NOTCH1: variants seen among roughly 807,000 people sequenced by gnomAD.
The protein encoded by NOTCH1 is neurogenic locus notch homolog protein 1.
In NOTCH1, 37 loss-of-function variants were observed where a neutral mutation model predicts 254.8. The observed-to-expected ratio is 0.15, with a 90% CI of 0.11 to 0.19. The LOEUF is 0.19. Ranked by LOEUF, NOTCH1 falls within the 10% of genes least tolerant of loss-of-function variation. The pLI, the probability that NOTCH1 is intolerant of heterozygous loss-of-function variation, is 1.00. For missense variants in NOTCH1, 2,972 were observed against 3,708.6 expected (o/e 0.80, Z 5.16); for synonymous variants, 1,731 against 1,618.1 (o/e 1.07, Z -1.68).
At position 136,518,201 on chromosome 9, in the gene NOTCH1, G is replaced by A; in HGVS notation, c.1191C>T (p.Ile397=). ...CCGTGTACCCCGAGGGGCAGGTGCA[G>A]ATGGCCTTGCCATTGACAGGGTTGG... The part of the protein sequence containing the change: ...CDTNPVNGKA[I]CTCPSGYTGP... The change falls in exon 7 of 34, where the codon ATC becomes ATT. Residue 397 remains isoleucine (I), a synonymous_variant. Coordinates refer to ENST00000651671, the MANE Select transcript of NOTCH1 (RefSeq NM_017617.5). The A allele has an allele frequency of 1.2e-6, 2 of 1,606,876 alleles. No homozygotes were observed. The highest frequency in any genetic ancestry group is 2.2e-5 in the South Asian group (2 of 89,886).
At chr9:136,528,106 G>A (rs1036471647) in intron 2 of NOTCH1, among the ~76,000 whole-genome samples, 13 of 151,680 alleles carry the variant, frequency 8.6e-5, no homozygotes, top group Non-Finnish European at 1.8e-4. Flanking sequence ...AGTTCCCTCC[G>A]CCCCAAAATG....
intron 33 of NOTCH1, among the ~76,000 whole-genome samples, chr9:136,498,084 G>A (rs1460068913): frequency 6.6e-6 from 1 of 152,180 alleles, no homozygotes; most frequent in Non-Finnish European, 1.5e-5. Flanking sequence ...CCCAGGCCTT[G>A]ATGCCCTCTG....
At chr9:136,512,975 CACATAGG>C (rs1235934262) in intron 15 of NOTCH1, 39 bp downstream of exon 15, 99 of 719,302 alleles carry the variant, frequency 1.4e-4, no homozygotes, top group Admixed American at 7.1e-4. Flanking sequence ...CCGCCCCTCC[CACATAGG>C]CCCCGCCCCC....
At chr9:136,507,021 C>A (rs2133344550) in intron 22 of NOTCH1, 48 bp from the exon 23 acceptor site, 1 of 1,583,808 alleles carries the variant, frequency 6.3e-7, no homozygotes, top group Non-Finnish European at 8.6e-7. Flanking sequence ...ACACCCCGGC[C>A]CTGCCGTGCC....
In NOTCH1 at chr9:136,537,700, G is replaced by A. The variant is rs139004727; in HGVS notation, c.140+6324C>T. On this transcript the variant is annotated intron_variant, in intron 2 of 33. Coordinates refer to ENST00000651671, the MANE Select transcript of NOTCH1 (RefSeq NM_017617.5). ...GGTCCCAGCTACTCTGGAGGCGGAG[G>A]CAGGAGGATCGCTTGAGCCCAGGAG... 2.4e-3 allele frequency among the ~76,000 whole-genome samples: 367 copies of A among 152,328 alleles called. 1 individual carries two copies. The highest frequency in any genetic ancestry group is 8.3e-3 in the African/African-American group (343 of 41,570).
intron 15 of NOTCH1, among the ~76,000 whole-genome samples, chr9:136,512,104 G>A (rs1386879176): frequency 1.3e-5 from 2 of 152,226 alleles, no homozygotes; most frequent in South Asian, 2.1e-4. Context: ...AGCAGGAAGC[G>A]GGCAGATAGG....
chr9:136,529,896 G>A (rs1843530975), intron 2 of NOTCH1, among the ~76,000 whole-genome samples: 1 of 152,266 alleles, frequency 6.6e-6, no homozygotes, highest in South Asian at 2.1e-4. Context: ...GCTGCGATGT[G>A]GGATGGCTGC....
chr9:136,497,597 C>T, intron 33 of NOTCH1, 39 bp from the exon 34 acceptor site: 1 of 1,512,934 alleles, frequency 6.6e-7, no homozygotes, highest in South Asian at 1.2e-5. Flanking sequence ...GGGGGCCAGG[C>T]CAGGCGTGGG....
At position 136,505,654 on chromosome 9, in the gene NOTCH1, G is replaced by A. The variant is rs1843070587; in HGVS notation, c.4242C>T (p.Cys1414=). 3 of 1,612,106 alleles carry A rather than the reference G, an allele frequency of 1.9e-6. No individual in the cohort carries two copies. Among genetic ancestry groups the A allele is most frequent in the Non-Finnish European group, 2.5e-6 (3 of 1,179,536 alleles). The change falls in exon 25 of 34, where the codon TGC becomes TGT. Residue 1414 remains cysteine, a synonymous_variant. Transcript: ENST00000651671. Reference sequence around the variant, plus strand: ...GCCCGTTGAATTTGGCGGGGCACAGGCAACGGTAGAAGGGGCTCTCGGATG... The same window carrying A: ...GCCCGTTGAATTTGGCGGGGCACAGACAACGGTAGAAGGGGCTCTCGGATG... ...EPTSESPFYR[C]LCPAKFNGLL... is the part of the protein sequence containing the mutation.
At position 136,508,155 on chromosome 9, in the gene NOTCH1, T is replaced by G. The variant is rs374731388; in HGVS notation, c.3326-16A>C. 1 of 1,606,790 alleles carries G rather than the reference T, an allele frequency of 6.2e-7. No individual in the cohort carries two copies. ...ACGTCAACACCTGCGGGGGATGGGG[T>G]GGTAGACAGGTGAGGCCCAGGCCCA... is the stretch of plus-strand genomic sequence containing the variant. On this transcript the variant is annotated splice_polypyrimidine_tract_variant and intron_variant, in intron 20 of 33. Transcript: ENST00000651671.
chr9:136,516,117 A>C, intron 9 of NOTCH1, 23 bp from the exon 10 acceptor site: 1 of 1,556,080 alleles, frequency 6.4e-7, no homozygotes, highest in Non-Finnish European at 8.8e-7. Flanking sequence ...AGGGGAGGGG[A>C]GGGAGTCATG....
chr9:136,514,713 G>A lies in NOTCH1; in HGVS notation c.2015-11C>T, dbSNP rs1206401301. 2.5e-6 allele frequency: 4 copies of A among 1,611,162 alleles called. No homozygotes were observed. Among genetic ancestry groups the A allele is most frequent in the Middle Eastern group, 3.3e-4 (2 of 6,058 alleles). On this transcript the variant is annotated splice_polypyrimidine_tract_variant and intron_variant, in intron 12 of 33. Transcript: ENST00000651671. ...TGTTACACATGCTCCCTAAGGGCAG[G>A]GCGGGTCAGACTCCGAGGCCCAGCG...
At chr9:136,521,024 G>A (rs375084979) in intron 4 of NOTCH1, among the ~76,000 whole-genome samples, 9 of 152,154 alleles carry the variant, frequency 5.9e-5, no homozygotes, top group Non-Finnish European at 1.0e-4. Flanking sequence ...GCCAGTTCCC[G>A]GGCCTGCAGA....
In NOTCH1 at chr9:136,497,093, G is replaced by A. The variant is rs777031585; in HGVS notation, c.6646C>T (p.Pro2216Ser). 1.9e-6 allele frequency: 3 copies of A among 1,609,890 alleles called. No individual in the cohort carries two copies. The African/African-American group carries it at 4.0e-5, about 21-fold the overall frequency. The change falls in exon 34 of 34, where the codon CCG (proline) becomes TCG (serine). Residue 2216 changes from proline to serine, a missense_variant. This residue lies in a region of NOTCH1 where 529 missense variants were observed against 529.2 expected (regional missense o/e 1.00). Transcript: ENST00000651671. ...PHGYLSDVAS[P>S]PLLPSPFQQS... is the part of the protein sequence containing the mutation. ...TGGAACGGGGAGGGCAGCAGTGGCG[G>A]CGAGGCCACGTCTGACAGGTAGCCA...
In NOTCH1 at chr9:136,518,153, C is replaced by T. The variant is rs750863490; in HGVS notation, c.1239G>A (p.Val413=). 7 of 1,591,962 alleles carry T rather than the reference C, an allele frequency of 4.4e-6. No individual in the cohort carries two copies. In the East Asian group the frequency reaches 1.4e-4, roughly 31 times the overall value. ...GGCACCTACCCAGCGAGCACTCATC[C>T]ACGTCCTGGCTGCAGGCCGGGCCCG... The part of the protein sequence containing the change: ...GYTGPACSQD[V]DECSLGANPC... Residue 413 remains valine, a synonymous_variant, in exon 7 of 34, where the codon GTG becomes GTA. Coordinates refer to ENST00000651671, the MANE Select transcript of NOTCH1 (RefSeq NM_017617.5).
In NOTCH1 at chr9:136,495,717, T is replaced by C. The variant is rs901748376; in HGVS notation, c.*354A>G. On this transcript the variant is annotated 3_prime_UTR_variant, in exon 34 of 34. Transcript: ENST00000651671. ...TTTGGATTTTGAAAAAAGGAATCAA[T>C]AAATAAATGGCATTTATAAATCATG... is the stretch of plus-strand genomic sequence containing the variant. 1.5e-5 allele frequency: 6 copies of C among 409,094 alleles called. No individual in the cohort carries two copies. Among genetic ancestry groups the C allele is most frequent in the Non-Finnish European group, 2.2e-5 (5 of 231,844 alleles). 25.3% of individuals were successfully genotyped at this position (409,094 alleles called of 1,614,324 possible). A position where few individuals can be genotyped will look rare whatever the true frequency, so the allele number is the denominator to read the frequency against.
chr9:136,515,235 C>T, intron 12 of NOTCH1, 55 bp downstream of exon 12: 1 of 1,555,090 alleles, frequency 6.4e-7, no homozygotes, highest in South Asian at 1.1e-5. Flanking sequence ...GGCAGAGTGG[C>T]TGACCTTGAC....
intron 1 of NOTCH1, among the ~76,000 whole-genome samples, chr9:136,544,311 C>A (rs1393686891): frequency 2.0e-5 from 3 of 152,200 alleles, no homozygotes; most frequent in East Asian, 3.9e-4. Context: ...ACATTCTGCC[C>A]AGAGTTCTGT....
At position 136,496,234 on chromosome 9, in the gene NOTCH1, A is replaced by C. The variant is rs1842911153; in HGVS notation, c.7505T>G (p.Leu2502Arg). 1 of 1,606,396 alleles carries C rather than the reference A, an allele frequency of 6.2e-7. No individual in the cohort carries two copies. Among genetic ancestry groups the C allele is most frequent in the Admixed American group, 1.7e-5 (1 of 59,520 alleles). Residue 2502 changes from leucine to arginine, a missense_variant, in exon 34 of 34, where the codon CTA becomes CGA. Leu to Arg is a moderately radical substitution (Grantham distance 102). Transcript: ENST00000651671. The part of the protein sequence containing the change: ...SPVDNTPSHQ[L>R]QVPEHPFLTP... ...GAGGAAGGGGTGCTCAGGCACCTGT[A>C]GCTGGTGGCTGGGGGTGTTGTCCAC... is the stretch of plus-strand genomic sequence containing the variant.
Sources: gnomAD v4.1 joint callset for allele counts (sites outside exome capture counted in the v4.1 genomes callset) on GRCh38, gnomAD v4.1.1 for gene constraint, gnomAD v4.1.1 regional missense constraint, MANE v1.5 for transcripts, NCBI Gene and HGNC (gene_info 2026-07-23, HGNC 2026-07-21) for gene names.